Variants in TGFB2 observed in about 807,000 individuals in gnomAD.
The protein encoded by TGFB2 is transforming growth factor beta-2 proprotein.
A neutral mutation model predicts 42.7 loss-of-function variants in TGFB2; 13 were observed. That is an observed-to-expected ratio of 0.30 (90% CI 0.20 to 0.48). TGFB2 has a LOEUF of 0.48. Ranked by LOEUF, TGFB2 falls within the 20% of genes least tolerant of loss-of-function variation. The pLI, the probability that TGFB2 is intolerant of heterozygous loss-of-function variation, is 0.99. For synonymous variants in TGFB2, 193 were observed against 193.6 expected (o/e 1.00, Z 0.03); for missense variants, 390 against 517.5 (o/e 0.75, Z 2.39).
chr1:218,348,788 C>G (rs567548990), intron 1 of TGFB2, among the ~76,000 whole-genome samples: 1 of 152,272 alleles, frequency 6.6e-6, no homozygotes, highest in East Asian at 1.9e-4. Context: ...TTGGGCAGAG[C>G]GGAAAGTATG....
intron 1 of TGFB2, among the ~76,000 whole-genome samples, chr1:218,356,774 G>A (rs1657047888): frequency 6.6e-6 from 1 of 152,230 alleles, no homozygotes; most frequent in Admixed American, 6.5e-5. Flanking sequence ...AGTCAAGGCT[G>A]AGGCAGGTCA....
intron 2 of TGFB2, among the ~76,000 whole-genome samples, chr1:218,417,257 G>A (rs1010748434): frequency 1.3e-5 from 2 of 152,220 alleles, no homozygotes; most frequent in African/African-American, 4.8e-5. Context: ...CTAGGCTGAG[G>A]TGGTCTCAGA....
At chr1:218,414,007 T>C (rs149339907) in intron 2 of TGFB2, among the ~76,000 whole-genome samples, 37 of 152,332 alleles carry the variant, frequency 2.4e-4, no homozygotes, top group African/African-American at 8.2e-4. Flanking sequence ...AATCATCAGC[T>C]ACCTTTACTG....
At chr1:218,359,232 G>C (rs1187698970) in intron 1 of TGFB2, among the ~76,000 whole-genome samples, 1 of 152,128 alleles carries the variant, frequency 6.6e-6, no homozygotes, top group African/African-American at 2.4e-5. Context: ...TGGGTTTCTT[G>C]TACCTGTCTT....
chr1:218,416,721 G>T (rs1412903543), intron 2 of TGFB2, among the ~76,000 whole-genome samples: 1 of 152,132 alleles, frequency 6.6e-6, no homozygotes, highest in Non-Finnish European at 1.5e-5. Context: ...ATATGGTTTG[G>T]CTGTGTCTCC....
intron 1 of TGFB2, among the ~76,000 whole-genome samples, chr1:218,373,174 G>A (rs560410497): frequency 7.1e-4 from 108 of 152,098 alleles, no homozygotes; most frequent in Admixed American, 3.1e-3. Flanking sequence ...GCAAAGCTCC[G>A]TCTCAAAAAA....
At chr1:218,394,979 A>G (rs563311134) in intron 1 of TGFB2, among the ~76,000 whole-genome samples, 4 of 152,270 alleles carry the variant, frequency 2.6e-5, no homozygotes, top group African/African-American at 4.8e-5. Context: ...ATGAACCCCA[A>G]ACTACTTCCT....
chr1:218,378,894 G>T (rs1183175230), intron 1 of TGFB2, among the ~76,000 whole-genome samples: 1 of 152,068 alleles, frequency 6.6e-6, no homozygotes, highest in East Asian at 1.9e-4. Context: ...AAGAAGAGGT[G>T]TGGCAAGGGC....
chr1:218,345,997 C>T lies in TGFB2; in HGVS notation c.-705C>T, dbSNP rs1018158300. On this transcript the variant is annotated 5_prime_UTR_variant, in exon 1 of 7. Transcript: ENST00000366930. ...CGGCACCCGACCGAGTACCGAGCGC[C>T]CTGCGAAGCGCACCCTCCTCCCCGC... Among the ~76,000 whole-genome samples, 2 of 151,644 alleles carry T rather than the reference C, an allele frequency of 1.3e-5. No homozygotes were observed. The highest frequency in any genetic ancestry group is 4.8e-5 in the African/African-American group (2 of 41,258).
At chr1:218,349,955 T>A (rs185767630) in intron 1 of TGFB2, among the ~76,000 whole-genome samples, 5 of 152,350 alleles carry the variant, frequency 3.3e-5, no homozygotes, top group Admixed American at 6.5e-5. Flanking sequence ...TTCATATTGA[T>A]CTTTTCACGT....
intron 2 of TGFB2, among the ~76,000 whole-genome samples, chr1:218,426,476 T>C (rs1011906911): frequency 4.3e-4 from 65 of 152,228 alleles, no homozygotes; most frequent in African/African-American, 1.5e-3. Flanking sequence ...TGGATGCTTT[T>C]GTGTAGGGAG....
At chr1:218,378,100 T>C (rs971879633) in intron 1 of TGFB2, among the ~76,000 whole-genome samples, 28 of 151,200 alleles carry the variant, frequency 1.9e-4, no homozygotes, top group Admixed American at 1.8e-3. Context: ...CTTAGTCTCC[T>C]GAGTAGCTGG....
At position 218,372,914 on chromosome 1, in the gene TGFB2, C is replaced by T. The variant is rs539029156; in HGVS notation, c.346+25867C>T. ...TTTCCCGGCTGGGCACGGTGGCTCACGCCTGTAATCCCAGCACTTTGGGAG... is the reference window on the plus strand; with the variant it reads ...TTTCCCGGCTGGGCACGGTGGCTCATGCCTGTAATCCCAGCACTTTGGGAG... On this transcript the variant is annotated intron_variant, in intron 1 of 6. Coordinates refer to ENST00000366930, the MANE Select transcript of TGFB2 (RefSeq NM_003238.6). Among the ~76,000 whole-genome samples the T allele has an allele frequency of 3.5e-4, 54 of 152,230 alleles. No homozygotes were observed. The South Asian group carries it at 4.8e-3, about 13-fold the overall frequency.
chr1:218,406,960 C>T (rs1658934520), intron 2 of TGFB2, among the ~76,000 whole-genome samples: 1 of 152,188 alleles, frequency 6.6e-6, no homozygotes, highest in African/African-American at 2.4e-5. Context: ...GCTAGTTTTT[C>T]TGGACTCTAA....
rs886045975 is a variant in TGFB2 at position 218,346,753 on chromosome 1, G to A, written c.52G>A (p.Ala18Thr). The A allele has an allele frequency of 4.3e-6, 7 of 1,613,828 alleles. No homozygotes were observed. Among genetic ancestry groups the A allele is most frequent in the Admixed American group, 3.3e-5 (2 of 59,986 alleles). Reference protein sequence around the residue: ...AFLILHLVTVALSLSTCSTLD... With the variant: ...AFLILHLVTVTLSLSTCSTLD... ...TCTGATCCTGCATCTGGTCACGGTC[G>A]CGCTCAGCCTGTCTACCTGCAGCAC... Residue 18 changes from alanine (A) to threonine (T), a missense_variant, in exon 1 of 7, where the codon GCG becomes ACG. Ala to Thr is a moderately conservative substitution (Grantham distance 58). Transcript: ENST00000366930. The surrounding 1 kb of genome is among the most constrained non-coding windows in gnomAD (Gnocchi z 4.9).
At chr1:218,355,020 A>C (rs1233368997) in intron 1 of TGFB2, among the ~76,000 whole-genome samples, 1 of 152,158 alleles carries the variant, frequency 6.6e-6, no homozygotes, top group Admixed American at 6.5e-5. Context: ...CTCCTGCCTC[A>C]GCCTCCCAAC....
chr1:218,384,578 G>A (rs74143055), intron 1 of TGFB2, among the ~76,000 whole-genome samples: 7 of 152,108 alleles, frequency 4.6e-5, no homozygotes, highest in African/African-American at 1.4e-4. Context: ...TATCTACCTC[G>A]CAGAGTTCTT....
At chr1:218,361,467 G>T (rs929400407) in intron 1 of TGFB2, among the ~76,000 whole-genome samples, 1 of 152,098 alleles carries the variant, frequency 6.6e-6, no homozygotes, top group African/African-American at 2.4e-5. Flanking sequence ...GTGACCTTGG[G>T]ATCTGAATTC....
intron 1 of TGFB2, among the ~76,000 whole-genome samples, chr1:218,378,168 T>G (rs1571850554): frequency 4.4e-5 from 1 of 22,506 alleles, no homozygotes; most frequent in East Asian, 6.8e-4. Flanking sequence ...TTTATTTATT[T>G]ATTTATTTAT....
Sources: gnomAD v4.1 joint callset for allele counts (sites outside exome capture counted in the v4.1 genomes callset) on GRCh38, gnomAD v4.1.1 for gene constraint, Gnocchi (gnomAD v3.1) non-coding constraint, MANE v1.5 for transcripts, NCBI Gene and HGNC (gene_info 2026-07-23, HGNC 2026-07-21) for gene names.